CACNA2D3: variants seen among roughly 807,000 people sequenced by gnomAD.
CACNA2D3 encodes voltage-dependent calcium channel subunit alpha-2/delta-3.
A neutral mutation model predicts 160.6 loss-of-function variants in CACNA2D3; 60 were observed. The ratio of observed to expected loss-of-function variants is 0.37; its 90% CI spans 0.30 to 0.46. The LOEUF (loss-of-function observed/expected upper bound fraction) is 0.46. Among genes scored for constraint, CACNA2D3 ranks in the 20% least tolerant of loss-of-function variants. The pLI, the probability that CACNA2D3 is intolerant of heterozygous loss-of-function variation, is 1.00. For missense variants in CACNA2D3, 1,205 were observed against 1,365.0 expected (o/e 0.88, Z 1.85); for synonymous variants, 558 against 492.9 (o/e 1.13, Z -1.75).
At chr3:54,837,363 G>A in intron 15 of CACNA2D3, 133 bp downstream of exon 15, 1 of 756,814 alleles carries the variant, frequency 1.3e-6, no homozygotes, top group Admixed American at 2.3e-5. Context: ...GTTTGATCTT[G>A]CTGTTAGAAT....
At chr3:54,732,202 C>T (rs1310755557) in intron 11 of CACNA2D3, among the ~76,000 whole-genome samples, 2 of 152,240 alleles carry the variant, frequency 1.3e-5, no homozygotes, top group Non-Finnish European at 2.9e-5. Context: ...TGTAATTTTA[C>T]ATGATTTGGA....
intron 13 of CACNA2D3, among the ~76,000 whole-genome samples, chr3:54,813,359 C>T (rs1703373503): frequency 6.6e-6 from 1 of 152,144 alleles, no homozygotes; most frequent in South Asian, 2.1e-4. Context: ...AGAGATGTGA[C>T]CTCATCTGGA....
At chr3:54,461,595 T>C (rs905472736) in intron 4 of CACNA2D3, among the ~76,000 whole-genome samples, 8 of 151,842 alleles carry the variant, frequency 5.3e-5, no homozygotes, top group African/African-American at 1.9e-4. Context: ...TCATGATAGT[T>C]TGTATTTCTG....
intron 27 of CACNA2D3, among the ~76,000 whole-genome samples, chr3:54,945,466 T>G (rs1701588910): frequency 2.0e-5 from 3 of 152,198 alleles, no homozygotes; most frequent in Non-Finnish European, 4.4e-5. Flanking sequence ...TAGGAGCCAA[T>G]GAGTGTCTCC....
intron 2 of CACNA2D3, among the ~76,000 whole-genome samples, chr3:54,280,995 G>C (rs577946376): frequency 2.0e-5 from 3 of 152,144 alleles, no homozygotes; most frequent in Non-Finnish European, 2.9e-5. Flanking sequence ...GAGGACTGTG[G>C]CTATACTGTT....
At chr3:54,248,283 C>T (rs1292166729) in intron 2 of CACNA2D3, among the ~76,000 whole-genome samples, 2 of 151,954 alleles carry the variant, frequency 1.3e-5, no homozygotes, top group Admixed American at 6.6e-5. Flanking sequence ...GAGTTCAAGA[C>T]CAGCCTGGCC....
At chr3:54,674,602 G>T (rs767099890) in intron 11 of CACNA2D3, among the ~76,000 whole-genome samples, 24 of 152,118 alleles carry the variant, frequency 1.6e-4, no homozygotes, top group Non-Finnish European at 3.5e-4. Context: ...TAGAAAGTTG[G>T]GTTTAAAGGG....
intron 3 of CACNA2D3, chr3:54,385,903 G>A: frequency 2.0e-6 from 1 of 504,918 alleles, no homozygotes. Flanking sequence ...TATAATTTCA[G>A]TGAAATATTA....
intron 2 of CACNA2D3, among the ~76,000 whole-genome samples, chr3:54,134,899 C>T (rs1024087419): frequency 6.6e-6 from 1 of 152,236 alleles, no homozygotes; most frequent in South Asian, 2.1e-4. Context: ...GCTGCGGGAG[C>T]ACCGCAGTGC....
chr3:54,307,182 G>A lies in CACNA2D3; in HGVS notation c.205-13260G>A, dbSNP rs532858018. ...ATTTGAACACCCTGATTTTAAAGATGTTGGGAGAAAGTGCTGGTGCTGGGC... is the reference window on the plus strand; with the variant it reads ...ATTTGAACACCCTGATTTTAAAGATATTGGGAGAAAGTGCTGGTGCTGGGC... On this transcript the variant is annotated intron_variant, in intron 2 of 37. Coordinates refer to ENST00000474759, the MANE Select transcript of CACNA2D3 (RefSeq NM_018398.3). Among the ~76,000 whole-genome samples, 3 of 152,272 alleles carry A rather than the reference G, an allele frequency of 2.0e-5. No individual in the cohort carries two copies. In the South Asian group the frequency reaches 6.2e-4, roughly 32 times the overall value.
At chr3:54,333,669 T>C (rs1301811047) in intron 3 of CACNA2D3, among the ~76,000 whole-genome samples, 1 of 151,550 alleles carries the variant, frequency 6.6e-6, no homozygotes, top group Non-Finnish European at 1.5e-5. Context: ...CCGCCTCTAT[T>C]GTGCTGGGAG....
chr3:54,167,819 A>G (rs1700488363), intron 2 of CACNA2D3, among the ~76,000 whole-genome samples: 1 of 152,240 alleles, frequency 6.6e-6, no homozygotes, highest in Non-Finnish European at 1.5e-5. Flanking sequence ...TCTTGGGACA[A>G]GGCAGACTTA....
Position 54,496,228 on chromosome 3 carries a change from A to G in CACNA2D3, c.382-7264A>G, listed in dbSNP as rs147809378. Among the ~76,000 whole-genome samples, 595 of 152,278 alleles carry G rather than the reference A, an allele frequency of 3.9e-3. 4 individuals carry two copies. The highest frequency in any genetic ancestry group is 0.014 in the African/African-American group (567 of 41,544). On this transcript the variant is annotated intron_variant, in intron 4 of 37. Coordinates refer to ENST00000474759, the MANE Select transcript of CACNA2D3 (RefSeq NM_018398.3). ...GTTTAACATTATAAGAAGCTGCAAAATGTTTTTCCAAAGTGTTTGTACCAT... is the reference window on the plus strand; with the variant it reads ...GTTTAACATTATAAGAAGCTGCAAAGTGTTTTTCCAAAGTGTTTGTACCAT...
At chr3:54,479,040 A>G (rs1350328583) in intron 4 of CACNA2D3, among the ~76,000 whole-genome samples, 1 of 151,958 alleles carries the variant, frequency 6.6e-6, no homozygotes, top group African/African-American at 2.4e-5. Context: ...ATGTGTTACC[A>G]TAACACATGT....
intron 4 of CACNA2D3, among the ~76,000 whole-genome samples, chr3:54,420,983 G>A (rs1249506142): frequency 2.0e-5 from 3 of 152,260 alleles, no homozygotes; most frequent in Non-Finnish European, 4.4e-5. Context: ...TCAGGTAGGC[G>A]GCTTTTCTGT....
rs537836274 is a variant in CACNA2D3 at position 54,721,050 on chromosome 3, A to C, written c.1168-31549A>C. ...CTATTATTCAGTTTTGTCATCTATTAGCTTGTTAGTAAACATTATTTTATT... is the reference window on the plus strand; with the variant it reads ...CTATTATTCAGTTTTGTCATCTATTCGCTTGTTAGTAAACATTATTTTATT... On this transcript the variant is annotated intron_variant, in intron 11 of 37. Transcript: ENST00000474759. Among the ~76,000 whole-genome samples, 14 of 150,256 alleles carry C rather than the reference A, an allele frequency of 9.3e-5. No individual in the cohort carries two copies. The South Asian group carries it at 1.5e-3, about 16-fold the overall frequency.
intron 35 of CACNA2D3, among the ~76,000 whole-genome samples, chr3:55,059,761 A>G (rs1348590713): frequency 2.0e-5 from 3 of 152,118 alleles, no homozygotes; most frequent in Non-Finnish European, 4.4e-5. Context: ...ATTGGGTGAT[A>G]GAGGTGGCAC....
At position 54,210,220 on chromosome 3, in the gene CACNA2D3, C is replaced by T. The variant is rs376539807; in HGVS notation, c.204+86626C>T. ...CCAGAGGTGGCACCTGTGGCCCGGC[C>T]TCTGAGCTGTGACTTTCTATCATGT... On this transcript the variant is annotated intron_variant, in intron 2 of 37. Coordinates refer to ENST00000474759, the MANE Select transcript of CACNA2D3 (RefSeq NM_018398.3). 6.6e-5 allele frequency among the ~76,000 whole-genome samples: 10 copies of T among 152,306 alleles called. 2 individuals are homozygous for T. The highest frequency in any genetic ancestry group is 6.5e-5 in the Admixed American group (1 of 15,294).
At chr3:54,833,440 C>G (rs920998139) in intron 14 of CACNA2D3, among the ~76,000 whole-genome samples, 1 of 152,112 alleles carries the variant, frequency 6.6e-6, no homozygotes, top group Non-Finnish European at 1.5e-5. Flanking sequence ...TTCTTGGAAG[C>G]CACATGTATG....
Sources: allele counts gnomAD v4.1 joint callset (sites outside exome capture counted in the v4.1 genomes callset), GRCh38; gene constraint gnomAD v4.1.1; transcripts MANE v1.5; gene names NCBI Gene and HGNC (gene_info 2026-07-23, HGNC 2026-07-21).